Variants in CFAP299 observed in about 807,000 individuals in gnomAD.
The protein encoded by CFAP299 is cilia and flagella associated protein 299.
Under a neutral mutation model 27.0 loss-of-function variants are expected in CFAP299, and 21 were observed. The observed-to-expected ratio is 0.78, with a 90% confidence interval of 0.55 to 1.12. CFAP299 has a LOEUF of 1.12. Among genes scored for constraint, CFAP299 ranks in the 50% most tolerant of loss-of-function variants. The probability of loss-of-function intolerance (pLI) is 0.00; values close to 1 mark genes in which losing one functional copy is unlikely to be tolerated. For missense variants in CFAP299, 310 were observed against 276.6 expected (o/e 1.12, Z -0.86); for synonymous variants, 104 against 98.1 (o/e 1.06, Z -0.36).
chr4:80,741,655 G>T (rs1426000095), intron 3 of CFAP299, among the ~76,000 whole-genome samples: 1 of 152,140 alleles, frequency 6.6e-6, no homozygotes, highest in African/African-American at 2.4e-5. Flanking sequence ...TTGGGTTGGG[G>T]GGAGGGATGG....
intron 4 of CFAP299, among the ~76,000 whole-genome samples, chr4:80,878,236 A>T (rs187494794): frequency 6.6e-6 from 1 of 152,182 alleles, no homozygotes; most frequent in East Asian, 1.9e-4. Context: ...TTGTGATGAC[A>T]TTGACGTTTT....
intron 2 of CFAP299, among the ~76,000 whole-genome samples, chr4:80,410,585 G>A (rs911366699): frequency 3.3e-5 from 5 of 152,116 alleles, no homozygotes; most frequent in Non-Finnish European, 7.4e-5. Context: ...AAGAGAAAAT[G>A]TTTCTTACCC....
chr4:80,401,697 G>C (rs1445003072), intron 2 of CFAP299, among the ~76,000 whole-genome samples: 1 of 152,164 alleles, frequency 6.6e-6, no homozygotes, highest in Non-Finnish European at 1.5e-5. Flanking sequence ...CCCTCCCCAA[G>C]CAGAGTCCCT....
chr4:80,830,514 G>A (rs1252075051), intron 3 of CFAP299, among the ~76,000 whole-genome samples: 1 of 152,022 alleles, frequency 6.6e-6, no homozygotes, highest in Admixed American at 6.6e-5. Flanking sequence ...GGAGCTTAAA[G>A]TATGCAACAG....
chr4:80,907,361 C>T (rs1319310021), intron 4 of CFAP299, among the ~76,000 whole-genome samples: 7 of 152,198 alleles, frequency 4.6e-5, no homozygotes, highest in Non-Finnish European at 4.4e-5. Flanking sequence ...CTGTTCCAAC[C>T]TCTGCATGTC....
chr4:80,599,121 C>T (rs547881053), intron 3 of CFAP299, among the ~76,000 whole-genome samples: 10 of 152,104 alleles, frequency 6.6e-5, no homozygotes, highest in Non-Finnish European at 1.2e-4. Context: ...ATTTCAGTTG[C>T]AGCATTTACA....
chr4:80,626,872 T>C (rs758622065), intron 3 of CFAP299, among the ~76,000 whole-genome samples: 5 of 150,776 alleles, frequency 3.3e-5, no homozygotes, highest in Admixed American at 6.6e-5. Context: ...CAAAGAAGAG[T>C]CTGGGACATG....
At chr4:80,924,712 A>G (rs530658653) in intron 4 of CFAP299, among the ~76,000 whole-genome samples, 1 of 151,548 alleles carries the variant, frequency 6.6e-6, no homozygotes, top group East Asian at 1.9e-4. Context: ...TTCACAAGCT[A>G]TAGATGAGAA....
chr4:80,911,861 C>T (rs1021359036), intron 4 of CFAP299, among the ~76,000 whole-genome samples: 8 of 151,804 alleles, frequency 5.3e-5, no homozygotes, highest in Non-Finnish European at 8.8e-5. Context: ...TTTTTTCATA[C>T]CATGCAAAAA....
At chr4:80,792,070 A>G (rs1463806208) in intron 3 of CFAP299, among the ~76,000 whole-genome samples, 11 of 152,068 alleles carry the variant, frequency 7.2e-5, no homozygotes, top group African/African-American at 2.4e-4. Context: ...CACACCCTAT[A>G]TATGACTTTG....
At chr4:80,337,113 T>C (rs1018927121) in intron 1 of CFAP299, among the ~76,000 whole-genome samples, 6 of 152,258 alleles carry the variant, frequency 3.9e-5, no homozygotes, top group Non-Finnish European at 8.8e-5. Context: ...TAAAAGTCAG[T>C]TTATGCCTTG....
chr4:80,863,820 A>G (rs1348932866), intron 3 of CFAP299, among the ~76,000 whole-genome samples: 1 of 152,196 alleles, frequency 6.6e-6, no homozygotes, highest in Non-Finnish European at 1.5e-5. Flanking sequence ...CTTTATAAAC[A>G]TAGCATCATC....
intron 2 of CFAP299, among the ~76,000 whole-genome samples, chr4:80,545,423 A>G (rs1330915051): frequency 6.6e-6 from 1 of 152,042 alleles, no homozygotes; most frequent in Non-Finnish European, 1.5e-5. Context: ...TTGGTTTATT[A>G]CAAACCACCC....
intron 3 of CFAP299, among the ~76,000 whole-genome samples, chr4:80,740,539 A>G (rs146024258): frequency 2.0e-5 from 3 of 152,186 alleles, no homozygotes; most frequent in African/African-American, 7.2e-5. Flanking sequence ...CCCTGTGGCC[A>G]TCACCACTGG....
At chr4:80,661,097 A>C (rs1401251157) in intron 3 of CFAP299, among the ~76,000 whole-genome samples, 1 of 152,114 alleles carries the variant, frequency 6.6e-6, no homozygotes, top group Non-Finnish European at 1.5e-5. Context: ...AGACTGAGGC[A>C]GGTGGATCAC....
chr4:80,454,441 G>A (rs1361732355), intron 2 of CFAP299, among the ~76,000 whole-genome samples: 1 of 152,144 alleles, frequency 6.6e-6, no homozygotes, highest in Non-Finnish European at 1.5e-5. Context: ...ATTGAAGTTG[G>A]TGCCCAGAGC....
At chr4:80,390,480 TC>T (rs1725266135) in intron 2 of CFAP299, among the ~76,000 whole-genome samples, 2 of 137,698 alleles carry the variant, frequency 1.5e-5, no homozygotes, top group African/African-American at 6.6e-5. Flanking sequence ...AATTCTCTCC[TC>T]TCTCTCTCTC....
At chr4:80,521,242 G>A (rs1286184075) in intron 2 of CFAP299, among the ~76,000 whole-genome samples, 1 of 152,074 alleles carries the variant, frequency 6.6e-6, no homozygotes, top group African/African-American at 2.4e-5. Context: ...TTCCCCAAAT[G>A]AGATCAAATT....
intron 2 of CFAP299, among the ~76,000 whole-genome samples, chr4:80,419,439 T>C (rs774086709): frequency 2.0e-5 from 3 of 152,182 alleles, no homozygotes; most frequent in Non-Finnish European, 1.5e-5. Context: ...TTAGCATTCC[T>C]AGAAGAAGTT....
Sources: allele counts gnomAD v4.1 joint callset (sites outside exome capture counted in the v4.1 genomes callset), GRCh38; gene constraint gnomAD v4.1.1; transcripts MANE v1.5; gene names NCBI Gene and HGNC (gene_info 2026-07-23, HGNC 2026-07-21).